The following ZNF518A variants were observed in gnomAD, a reference collection of about 807,000 sequenced individuals.
The protein encoded by ZNF518A is zinc finger protein 518.
In ZNF518A, 47 loss-of-function variants were observed where a neutral mutation model predicts 102.7. The observed-to-expected ratio is 0.46, with a 90% confidence interval of 0.36 to 0.58. ZNF518A has a LOEUF of 0.58. Ranked by LOEUF, ZNF518A falls within the 20% of genes least tolerant of loss-of-function variation. The pLI is 0.00. For missense variants in ZNF518A, 1,793 were observed against 1,699.8 expected (o/e 1.05, Z -0.96); for synonymous variants, 652 against 594.6 (o/e 1.10, Z -1.40).
At chr10:96,182,854 A>G (rs1423658792) in intron 1 of ZNF518A, among the ~76,000 whole-genome samples, 1 of 152,104 alleles carries the variant, frequency 6.6e-6, no homozygotes, top group African/African-American at 2.4e-5. Flanking sequence ...GTTAGGGAGG[A>G]TTCCCTCTTT....
chr10:96,184,810 G>A (rs1234809357), intron 1 of ZNF518A, among the ~76,000 whole-genome samples: 2 of 152,146 alleles, frequency 1.3e-5, no homozygotes, highest in Admixed American at 6.5e-5. Flanking sequence ...GAGTATCTTT[G>A]TGGCATTCTG....
intron 1 of ZNF518A, among the ~76,000 whole-genome samples, chr10:96,177,550 A>G (rs2083212908): frequency 6.6e-6 from 1 of 152,218 alleles, no homozygotes; most frequent in Admixed American, 6.5e-5. Context: ...GTATGACAAC[A>G]GTAGCACAAA....
chr10:96,135,619 A>G (rs2081559949), intron 3 of ZNF518A, among the ~76,000 whole-genome samples: 1 of 152,244 alleles, frequency 6.6e-6, no homozygotes, highest in Admixed American at 6.5e-5. Flanking sequence ...GATAGGCAAG[A>G]TTATATGTAC....
chr10:96,177,034 G>T (rs1010694397), intron 1 of ZNF518A, among the ~76,000 whole-genome samples: 1 of 148,578 alleles, frequency 6.7e-6, no homozygotes, highest in Admixed American at 6.8e-5. Flanking sequence ...CCATGATCAT[G>T]CCACACTGCA....
chr10:96,185,863 G>A (rs1417057800), intron 1 of ZNF518A, among the ~76,000 whole-genome samples: 2 of 152,188 alleles, frequency 1.3e-5, no homozygotes, highest in Non-Finnish European at 2.9e-5. Flanking sequence ...TCCTTGAGCT[G>A]CAGTGGGCTC....
At chr10:96,130,821 A>G (rs2081295481) in intron 1 of ZNF518A, 69 bp downstream of exon 1, 1 of 152,222 alleles carries the variant, frequency 6.6e-6, no homozygotes, top group South Asian at 2.1e-4. Flanking sequence ...GCTTTCTCAC[A>G]TGTAGGGTTC....
Position 96,156,641 on chromosome 10 carries a change from G to T in ZNF518A, c.319G>T (p.Glu107Ter). 3 of 1,613,870 alleles carry T rather than the reference G, an allele frequency of 1.9e-6. No homozygotes were observed. The highest frequency in any genetic ancestry group is 2.5e-6 in the Non-Finnish European group (3 of 1,179,784). The change falls in exon 6 of 6, where the codon GAA (glutamate) becomes TAA (stop). Residue 107 changes from glutamate to a stop codon, truncating the protein, a stop_gained. Coordinates refer to ENST00000316045, the MANE Select transcript of ZNF518A (RefSeq NM_001330736.2). LOFTEE classifies it high-confidence loss of function. Reference sequence around the variant, plus strand: ...GCTTCATAAGTCTGAGAGAGCTGAAGAAGAGGGTGTAAAAATGTCTGCAAA... The same window carrying T: ...GCTTCATAAGTCTGAGAGAGCTGAATAAGAGGGTGTAAAAATGTCTGCAAA... ...TLLHKSERAE[E>*]EGVKMSAKIL...
At chr10:96,153,939 G>T (rs2133705592) in intron 3 of ZNF518A, among the ~76,000 whole-genome samples, 1 of 152,234 alleles carries the variant, frequency 6.6e-6, no homozygotes, top group African/African-American at 2.4e-5. Context: ...AGGAAAAGCT[G>T]TCTGTTATGT....
intron 1 of ZNF518A, among the ~76,000 whole-genome samples, chr10:96,173,156 G>A (rs1172364319): frequency 3.9e-5 from 6 of 152,038 alleles, no homozygotes; most frequent in African/African-American, 1.4e-4. Flanking sequence ...TTTACATAAG[G>A]GATTTGAACA....
At chr10:96,188,102 G>A (rs142671863) in intron 1 of ZNF518A, among the ~76,000 whole-genome samples, 3 of 152,230 alleles carry the variant, frequency 2.0e-5, no homozygotes, top group Non-Finnish European at 4.4e-5. Flanking sequence ...CACCTGCTTC[G>A]GCCTGCCAAA....
chr10:96,179,552 C>A (rs923435258), intron 1 of ZNF518A, among the ~76,000 whole-genome samples: 1 of 152,128 alleles, frequency 6.6e-6, no homozygotes, highest in African/African-American at 2.4e-5. Context: ...AGTACACCCA[C>A]TTTATAAACA....
chr10:96,133,269 G>C (rs1473935448), intron 2 of ZNF518A, among the ~76,000 whole-genome samples: 1 of 152,118 alleles, frequency 6.6e-6, no homozygotes, highest in African/African-American at 2.4e-5. Context: ...GAAGATTGTG[G>C]TTTTGGTCTA....
At chr10:96,201,244 A>G (rs1288705667) in intron 1 of ZNF518A, among the ~76,000 whole-genome samples, 2 of 152,232 alleles carry the variant, frequency 1.3e-5, no homozygotes, top group Non-Finnish European at 2.9e-5. Context: ...CAGGTGGTTC[A>G]AGAGGTCTTT....
At chr10:96,193,618 C>CT (rs1264292267) in intron 1 of ZNF518A, among the ~76,000 whole-genome samples, 2 of 152,244 alleles carry the variant, frequency 1.3e-5, no homozygotes, top group East Asian at 3.9e-4. Flanking sequence ...CCTCACTCTC[C>CT]TTTTTTTCTG....
rs1554884747 is a variant in ZNF518A at position 96,158,530 on chromosome 10, T to C, written c.2208T>C (p.Asn736=). Residue 736 remains asparagine, a synonymous_variant, in exon 6 of 6, where the codon AAT becomes AAC. Transcript: ENST00000316045. ...TTGATGGACAAAACCTGTACAGTAATGAAAATCAAAATTTAGAGTGTGCGA... is the reference window on the plus strand; with the variant it reads ...TTGATGGACAAAACCTGTACAGTAACGAAAATCAAAATTTAGAGTGTGCGA... ...QNIDGQNLYS[N]ENQNLECATE... is the part of the protein sequence containing the mutation. The C allele has an allele frequency of 6.2e-7, 1 of 1,612,748 alleles. No individual in the cohort carries two copies.
chr10:96,175,882 CCTT>C (rs1564801772), intron 1 of ZNF518A, among the ~76,000 whole-genome samples: 16,450 of 102,522 alleles, frequency 0.16, 2,565 homozygotes, highest in Non-Finnish European at 0.19. Flanking sequence ...TCCCTCCCTT[CCTT>C]CCTTCCTTCC....
chr10:96,148,606 G>A (rs1300819982), intron 3 of ZNF518A, among the ~76,000 whole-genome samples: 1 of 151,628 alleles, frequency 6.6e-6, no homozygotes, highest in Non-Finnish European at 1.5e-5. Flanking sequence ...GAAAGCCCCT[G>A]TCTGAACCCA....
At chr10:96,175,622 A>G (rs1464798085) in intron 1 of ZNF518A, among the ~76,000 whole-genome samples, 2 of 152,156 alleles carry the variant, frequency 1.3e-5, no homozygotes, top group African/African-American at 2.4e-5. Context: ...TGGAAGCCAC[A>G]TTGGTTATAG....
chr10:96,201,894 A>C, intron 1 of ZNF518A, among the ~76,000 whole-genome samples: 1 of 152,338 alleles, frequency 6.6e-6, no homozygotes, highest in Middle Eastern at 3.4e-3. Context: ...GACATAAGTA[A>C]AAAATATATA....
Sources: gnomAD v4.1 joint callset for allele counts (sites outside exome capture counted in the v4.1 genomes callset) on GRCh38, gnomAD v4.1.1 for gene constraint, MANE v1.5 for transcripts, NCBI Gene and HGNC (gene_info 2026-07-23, HGNC 2026-07-21) for gene names.